AMN: variants seen among roughly 807,000 people sequenced by gnomAD.
AMN encodes protein amnionless.
A neutral mutation model predicts 49.1 loss-of-function variants in AMN; 40 were observed. That is an observed-to-expected ratio of 0.81 (90% CI 0.63 to 1.06). The LOEUF is 1.06. Ranked by LOEUF, AMN falls within the 50% of genes least tolerant of loss-of-function variation. The pLI is 0.00. For missense variants in AMN, 701 were observed against 662.8 expected (o/e 1.06, Z -0.63); for synonymous variants, 380 against 313.3 (o/e 1.21, Z -2.25).
chr14:102,923,743 CCCA>C lies in AMN; in HGVS notation c.77_79del (p.Pro26_Asn27delinsHis), dbSNP rs1448182586. On this transcript the variant is annotated inframe_deletion, in exon 2 of 12. Coordinates refer to ENST00000299155, the MANE Select transcript of AMN (RefSeq NM_030943.4). ...CCAGGCGGTCTCCAAACTCTGGGTC[CCCA>C]ACACGGACTTCGACGTCGCAGCCAA... is the stretch of plus-strand genomic sequence containing the variant. The C allele has an allele frequency of 2.5e-6, 4 of 1,612,694 alleles. No homozygotes were observed. The highest frequency in any genetic ancestry group is 1.3e-5 in the African/African-American group (1 of 74,934).
At chr14:102,926,272 C>T (rs530430494) in intron 3 of AMN, among the ~76,000 whole-genome samples, 45 of 152,360 alleles carry the variant, frequency 3.0e-4, no homozygotes, top group African/African-American at 8.9e-4. Context: ...CGTGCACCAG[C>T]GAGGGCTCCT....
Position 102,928,939 on chromosome 14 carries a change from C to A in AMN, c.477C>A (p.Ser159Arg). Residue 159 changes from serine (S) to arginine (R), a missense_variant, in exon 5 of 12, where the codon AGC becomes AGA. Ser to Arg is a moderately radical substitution (Grantham distance 110). Transcript: ENST00000299155. ...SFRVGLGPGASPVRVRSISAL... is the reference protein window; with the variant it reads ...SFRVGLGPGARPVRVRSISAL... The stretch of plus-strand genomic sequence containing the variant: ...GCGTGGGGCTCGGCCCTGGCGCTAG[C>A]CCCGTGCGTGTCCGCAGCATCTCGG... The A allele has an allele frequency of 6.2e-7, 1 of 1,600,510 alleles. No individual in the cohort carries two copies. The highest frequency in any genetic ancestry group is 8.5e-7 in the Non-Finnish European group (1 of 1,179,648).
At position 102,930,756 on chromosome 14, in the gene AMN, C is replaced by T; in HGVS notation, c.*76C>T. The T allele has an allele frequency of 6.9e-7, 1 of 1,450,442 alleles. No individual in the cohort carries two copies. The highest frequency in any genetic ancestry group is 9.4e-7 in the Non-Finnish European group (1 of 1,065,342). 89.8% of individuals were successfully genotyped at this position (1,450,442 alleles called of 1,614,324 possible). ...TCGAACTGGGGGCTAGCCACCTCCT[C>T]GTCCAGCCCCCAAACCTCCCCTTCC... On this transcript the variant is annotated 3_prime_UTR_variant, in exon 12 of 12. Transcript: ENST00000299155.
chr14:102,930,319 G>T lies in AMN; in HGVS notation c.1161G>T (p.Gly387=). The T allele has an allele frequency of 7.2e-7, 1 of 1,381,964 alleles. No homozygotes were observed. The highest frequency in any genetic ancestry group is 9.3e-7 in the Non-Finnish European group (1 of 1,076,108). The allele number at this position is 1,381,964 out of a possible 1,614,324, so 85.6% of individuals were successfully genotyped here. ...CGCCGCCGCTGCTGCGCCGCGCGGGGAGGCTCAGGTACGCGGGGCGGGGGC... is the reference window on the plus strand; with the variant it reads ...CGCCGCCGCTGCTGCGCCGCGCGGGTAGGCTCAGGTACGCGGGGCGGGGGC... ...LVAPPLLRRA[G]RLRWRRHEAA... The change falls in exon 10 of 12, where the codon GGG becomes GGT. Residue 387 remains glycine, a synonymous_variant. Coordinates refer to ENST00000299155, the MANE Select transcript of AMN (RefSeq NM_030943.4).
At position 102,923,800 on chromosome 14, in the gene AMN, G is replaced by A. The variant is rs757059886; in HGVS notation, c.133G>A (p.Gly45Ser). 5.6e-6 allele frequency: 9 copies of A among 1,612,682 alleles called. No individual in the cohort carries two copies. The highest frequency in any genetic ancestry group is 2.2e-5 in the East Asian group (1 of 44,880). The change falls in exon 2 of 12, where the codon GGC becomes AGC. Residue 45 changes from glycine to serine, a missense_variant. Coordinates refer to ENST00000299155, the MANE Select transcript of AMN (RefSeq NM_030943.4). ...GAGCCAGAACCGGACCCCGTGCGCCGGCGGCGCCGTTGAGTTCCCGGCGGA... is the reference window on the plus strand; with the variant it reads ...GAGCCAGAACCGGACCCCGTGCGCCAGCGGCGCCGTTGAGTTCCCGGCGGA... ...NWSQNRTPCA[G>S]GAVEFPADKM...
At chr14:102,928,360 G>T in intron 3 of AMN, 66 bp from the exon 4 acceptor site, 4 of 1,430,028 alleles carry the variant, frequency 2.8e-6, no homozygotes, top group Non-Finnish European at 3.8e-6. Context: ...GGGGACTGGG[G>T]GCGGGGTGGG....
chr14:102,923,845 G>A lies in AMN; in HGVS notation c.162+16G>A, dbSNP rs1249525536. The A allele has an allele frequency of 5.0e-6, 8 of 1,612,428 alleles. No individual in the cohort carries two copies. Among genetic ancestry groups the A allele is most frequent in the African/African-American group, 1.3e-5 (1 of 74,934 alleles). On this transcript the variant is annotated intron_variant, in intron 2 of 11. Transcript: ENST00000299155. ...GGCGGACAAGGTGCCTGGGAGCGCCGGCGGGGTCGGTGATGGGCCTGGACC... is the reference window on the plus strand; with the variant it reads ...GGCGGACAAGGTGCCTGGGAGCGCCAGCGGGGTCGGTGATGGGCCTGGACC...
At chr14:102,926,860 CTTATA>C (rs1460351390) in intron 3 of AMN, among the ~76,000 whole-genome samples, 1 of 152,038 alleles carries the variant, frequency 6.6e-6, no homozygotes, top group Non-Finnish European at 1.5e-5. Flanking sequence ...CTGTAGAGGT[CTTATA>C]TTGTATTGGT....
At chr14:102,922,850 G>A (rs1186147192) in intron 1 of AMN, 119 bp downstream of exon 1, 5 of 1,391,626 alleles carry the variant, frequency 3.6e-6, no homozygotes, top group Non-Finnish European at 4.9e-6. Flanking sequence ...GGAGGGCTTT[G>A]GAGGGTTGGG....
Position 102,929,636 on chromosome 14 carries a change from C to G in AMN, c.761-19C>G. The G allele has an allele frequency of 6.5e-7, 1 of 1,548,728 alleles. No individual in the cohort carries two copies. Among genetic ancestry groups the G allele is most frequent in the Non-Finnish European group, 8.7e-7 (1 of 1,146,778 alleles). On this transcript the variant is annotated intron_variant, in intron 7 of 11. Coordinates refer to ENST00000299155, the MANE Select transcript of AMN (RefSeq NM_030943.4). ...CCGGGCCCGGATCCACGGCGCTGACCCCTGCCCTCCCGCCGCAGGAGCCGT... is the reference window on the plus strand; with the variant it reads ...CCGGGCCCGGATCCACGGCGCTGACGCCTGCCCTCCCGCCGCAGGAGCCGT...
chr14:102,928,728 C>T, intron 4 of AMN, 30 bp from the exon 5 acceptor site: 2 of 1,596,964 alleles, frequency 1.3e-6, no homozygotes, highest in Non-Finnish European at 1.7e-6. Context: ...GCGCTTGTTC[C>T]GTGGAGCTCA....
intron 1 of AMN, 142 bp from the exon 2 acceptor site, chr14:102,923,569 T>C (rs1595430206): frequency 5.0e-6 from 4 of 803,458 alleles, no homozygotes; most frequent in East Asian, 5.2e-5. Context: ...GACCAGGGTC[T>C]GGGTCCGGGC....
At chr14:102,922,857 TG>T in intron 1 of AMN, 126 bp downstream of exon 1, 39 of 1,351,826 alleles carry the variant, frequency 2.9e-5, no homozygotes, top group Non-Finnish European at 3.9e-5. Context: ...TTTGGAGGGT[TG>T]GGGGCGTGAA....
In AMN at chr14:102,922,742, A is replaced by G. The variant is rs765164769; in HGVS notation, c.43+11A>G. The G allele has an allele frequency of 1.4e-5, 22 of 1,581,904 alleles. No individual in the cohort carries two copies. The highest frequency in any genetic ancestry group is 2.0e-4 in the Middle Eastern group (1 of 5,006). On this transcript the variant is annotated intron_variant, in intron 1 of 11. Transcript: ENST00000299155. ...GGCTGCAGCTCTGCGGTGAGCCGGGACCACACCGGTGCGGGCCCGGACGGT... is the reference window on the plus strand; with the variant it reads ...GGCTGCAGCTCTGCGGTGAGCCGGGGCCACACCGGTGCGGGCCCGGACGGT...
chr14:102,930,373 G>A (rs1377335886), intron 10 of AMN, 33 bp from the exon 11 acceptor site: 22 of 1,484,508 alleles, frequency 1.5e-5, no homozygotes, highest in Non-Finnish European at 1.7e-5. Flanking sequence ...GTTGCTCCGA[G>A]GGGCTCACGC....
chr14:102,925,858 G>C (rs1272255214), intron 3 of AMN, among the ~76,000 whole-genome samples: 3 of 152,148 alleles, frequency 2.0e-5, no homozygotes, highest in South Asian at 4.2e-4. Context: ...TGCCCGCGTC[G>C]GCTATGTTGC....
rs1891239586 is a variant in AMN at position 102,928,491 on chromosome 14, C to T, written c.273C>T (p.Gly91=). 1.9e-6 allele frequency: 3 copies of T among 1,609,206 alleles called. No individual in the cohort carries two copies. The highest frequency in any genetic ancestry group is 1.7e-6 in the Non-Finnish European group (2 of 1,179,080). The part of the protein sequence containing the change: ...SGAGFGVSDV[G]SHLDCGAGEP... Reference sequence around the variant, plus strand: ...CCGGATTCGGCGTCTCAGACGTGGGCTCGCACCTGGACTGTGGCGCGGGTG... The same window carrying T: ...CCGGATTCGGCGTCTCAGACGTGGGTTCGCACCTGGACTGTGGCGCGGGTG... Residue 91 remains glycine (G), a synonymous_variant, in exon 4 of 12, where the codon GGC becomes GGT. Coordinates refer to ENST00000299155, the MANE Select transcript of AMN (RefSeq NM_030943.4).
chr14:102,922,704 CG>C lies in AMN; in HGVS notation c.19del (p.Val7SerfsTer10). 6.3e-7 allele frequency: 1 copy of C among 1,597,764 alleles called. No individual in the cohort carries two copies. The highest frequency in any genetic ancestry group is 2.3e-5 in the East Asian group (1 of 44,444). On this transcript the variant is annotated frameshift_variant, in exon 1 of 12. Coordinates refer to ENST00000299155, the MANE Select transcript of AMN (RefSeq NM_030943.4). LOFTEE classifies it high-confidence loss of function. ...CCGAGGCGAGATGGGCGTCCTGGGCCGGGTCCTGCTGTGGCTGCAGCTCTGC... is the reference window on the plus strand; with the variant it reads ...CCGAGGCGAGATGGGCGTCCTGGGCCGGTCCTGCTGTGGCTGCAGCTCTGC... The part of the protein sequence containing the change: MGVLG[R>X]VLLWLQLCAL...
In AMN at chr14:102,929,937, G is replaced by T; in HGVS notation, c.857G>T (p.Gly286Val). Reference sequence around the variant, plus strand: ...CCCCCTCCCCAGCCTCAGTACCACGGGCTGCAGGTGGCCGTGTCCAAGGTG... The same window carrying T: ...CCCCCTCCCCAGCCTCAGTACCACGTGCTGCAGGTGGCCGTGTCCAAGGTG... ...DTFLGLPQYH[G>V]LQVAVSKVPR... The change falls in exon 9 of 12, where the codon GGG (glycine) becomes GTG (valine). Residue 286 changes from glycine to valine, a missense_variant. Transcript: ENST00000299155. The T allele has an allele frequency of 6.4e-7, 1 of 1,560,596 alleles. No individual in the cohort carries two copies. The highest frequency in any genetic ancestry group is 8.7e-7 in the Non-Finnish European group (1 of 1,153,234).
Sources: allele counts gnomAD v4.1 joint callset (sites outside exome capture counted in the v4.1 genomes callset), GRCh38; gene constraint gnomAD v4.1.1; transcripts MANE v1.5; gene names NCBI Gene and HGNC (gene_info 2026-07-23, HGNC 2026-07-21).